The following ENTREP2 variants were observed in gnomAD, a reference collection of about 807,000 sequenced individuals.
The protein encoded by ENTREP2 is protein ENTREP2.
chr15:29,559,951 G>A, the ENTREP2 span, among the ~76,000 whole-genome samples: 2 of 152,174 alleles, frequency 1.3e-5, no homozygotes, highest in African/African-American at 2.4e-5. Context: ...GCTCTTAGAC[G>A]TTGGGTTAGT....
At chr15:29,335,470 A>G in the ENTREP2 span, among the ~76,000 whole-genome samples, 1 of 152,346 alleles carries the variant, frequency 6.6e-6, no homozygotes, top group Non-Finnish European at 1.5e-5. Flanking sequence ...CAGGGTGAAC[A>G]GTGTCACTGC....
chr15:29,230,210 C>CA, the ENTREP2 span, among the ~76,000 whole-genome samples: 1 of 152,186 alleles, frequency 6.6e-6, no homozygotes, highest in African/African-American at 2.4e-5. Flanking sequence ...TGGACTATAG[C>CA]AATGGCCTCT....
chr15:29,330,045 A>G, the ENTREP2 span, among the ~76,000 whole-genome samples: 2 of 152,170 alleles, frequency 1.3e-5, no homozygotes, highest in Non-Finnish European at 2.9e-5. Context: ...ACAGTAGAGA[A>G]AACTGCCAAT....
the ENTREP2 span, among the ~76,000 whole-genome samples, chr15:29,467,789 G>A: frequency 1.3e-5 from 2 of 152,262 alleles, no homozygotes; most frequent in East Asian, 3.9e-4. Context: ...CTTCCAGACT[G>A]GCCTTTCTGC....
chr15:29,561,637 G>A, the ENTREP2 span, among the ~76,000 whole-genome samples: 7 of 152,058 alleles, frequency 4.6e-5, no homozygotes, highest in East Asian at 1.9e-4. Flanking sequence ...GCAGTGAGCC[G>A]AGACTACGCC....
chr15:29,269,498 G>C, the ENTREP2 span: 5 of 1,607,278 alleles, frequency 3.1e-6, no homozygotes, highest in Non-Finnish European at 4.2e-6. Flanking sequence ...GCCTGGGCCC[G>C]GCGGGCGCCC....
At chr15:29,229,075 T>G in the ENTREP2 span, among the ~76,000 whole-genome samples, 7 of 152,286 alleles carry the variant, frequency 4.6e-5, no homozygotes, top group South Asian at 1.0e-3. Context: ...TAAAATCACC[T>G]GGGCACCTGG....
At chr15:29,417,947 G>T in the ENTREP2 span, among the ~76,000 whole-genome samples, 4 of 152,118 alleles carry the variant, frequency 2.6e-5, no homozygotes, top group East Asian at 5.8e-4. Flanking sequence ...ATTATGTTTT[G>T]CTCAGCAAAA....
At chr15:29,476,703 G>A in the ENTREP2 span, among the ~76,000 whole-genome samples, 1 of 152,300 alleles carries the variant, frequency 6.6e-6, no homozygotes, top group Non-Finnish European at 1.5e-5. Context: ...TGGAAGCAGG[G>A]GACGAGTGAG....
chr15:29,127,804 GC>G, the ENTREP2 span, among the ~76,000 whole-genome samples: 1 of 152,194 alleles, frequency 6.6e-6, no homozygotes, highest in Admixed American at 6.5e-5. Context: ...GGTAGCACCA[GC>G]CCCCTTCAGC....
the ENTREP2 span, among the ~76,000 whole-genome samples, chr15:29,652,436 G>T: frequency 1.3e-5 from 2 of 152,222 alleles, no homozygotes; most frequent in Non-Finnish European, 2.9e-5. Context: ...AGAACTCAAG[G>T]TGCCAAATGG....
At chr15:29,640,838 T>C in the ENTREP2 span, among the ~76,000 whole-genome samples, 2 of 152,152 alleles carry the variant, frequency 1.3e-5, no homozygotes, top group African/African-American at 4.8e-5. Flanking sequence ...ATGAGCCTGA[T>C]AATAGCCCAA....
chr15:29,434,362 C>T, the ENTREP2 span, among the ~76,000 whole-genome samples: 167 of 152,324 alleles, frequency 1.1e-3, 1 homozygote, highest in African/African-American at 3.8e-3. Flanking sequence ...GTGTTTCCTT[C>T]GCCTTCCTAA....
At chr15:29,386,082 C>G in the ENTREP2 span, among the ~76,000 whole-genome samples, 1 of 152,182 alleles carries the variant, frequency 6.6e-6, no homozygotes, top group Non-Finnish European at 1.5e-5. Flanking sequence ...TCGCTGAGAG[C>G]TACCTCCACC....
the ENTREP2 span, among the ~76,000 whole-genome samples, chr15:29,335,288 A>G: frequency 6.6e-6 from 1 of 152,320 alleles, no homozygotes; most frequent in South Asian, 2.1e-4. Flanking sequence ...GGTGTAATTG[A>G]AATTCCATTA....
the ENTREP2 span, among the ~76,000 whole-genome samples, chr15:29,175,362 C>T: frequency 6.6e-6 from 1 of 152,238 alleles, no homozygotes; most frequent in Non-Finnish European, 1.5e-5. Context: ...TCAACATTAG[C>T]TATGACTATC....
chr15:29,358,800 A>G, the ENTREP2 span, among the ~76,000 whole-genome samples: 1 of 152,152 alleles, frequency 6.6e-6, no homozygotes, highest in Non-Finnish European at 1.5e-5. Flanking sequence ...AAACAAGAAG[A>G]TAAAAAGAGT....
chr15:29,386,053 G>A, the ENTREP2 span, among the ~76,000 whole-genome samples: 72 of 152,134 alleles, frequency 4.7e-4, no homozygotes, highest in African/African-American at 6.5e-4. Flanking sequence ...CTCCATCCCC[G>A]TTTTGCTCCC....
chr15:29,326,717 C>T, the ENTREP2 span, among the ~76,000 whole-genome samples: 1 of 152,002 alleles, frequency 6.6e-6, no homozygotes, highest in South Asian at 2.1e-4. Flanking sequence ...GATTCTCAAA[C>T]TTATATGAAG....
Sources: allele counts gnomAD v4.1 joint callset (sites outside exome capture counted in the v4.1 genomes callset), GRCh38; gene constraint gnomAD v4.1.1; transcripts MANE v1.5; gene names NCBI Gene and HGNC (gene_info 2026-07-23, HGNC 2026-07-21).